The following LMNB1 variants were observed in gnomAD, a reference collection of about 807,000 sequenced individuals.
The protein encoded by LMNB1 is lamin B1, also known as lamin-B1.
Under a neutral mutation model 67.1 loss-of-function variants are expected in LMNB1, and 23 were observed. That is an observed-to-expected ratio of 0.34 (90% CI 0.25 to 0.49). The LOEUF is 0.49. Ranked by LOEUF, LMNB1 falls within the 20% of genes least tolerant of loss-of-function variation. The pLI, the probability that LMNB1 is intolerant of heterozygous loss-of-function variation, is 0.99. For missense variants in LMNB1, 634 were observed against 746.5 expected (o/e 0.85, Z 1.76); for synonymous variants, 281 against 282.9 (o/e 0.99, Z 0.07).
intron 10 of LMNB1, among the ~76,000 whole-genome samples, chr5:126,833,462 T>G (rs1308930837): frequency 6.6e-6 from 1 of 152,236 alleles, no homozygotes; most frequent in Non-Finnish European, 1.5e-5. Flanking sequence ...ATTTTTAGTC[T>G]TAAGTCTGCT....
At chr5:126,796,295 A>G (rs991721905) in intron 1 of LMNB1, among the ~76,000 whole-genome samples, 5 of 151,978 alleles carry the variant, frequency 3.3e-5, no homozygotes, top group South Asian at 4.2e-4. Context: ...ACTGATCTCT[A>G]CTTTCTGACT....
At chr5:126,835,216 AACT>A (rs767913355) in intron 10 of LMNB1, among the ~76,000 whole-genome samples, 6 of 152,328 alleles carry the variant, frequency 3.9e-5, no homozygotes, top group South Asian at 2.1e-4. Context: ...TGATCACAGA[AACT>A]AATGATACCA....
chr5:126,825,892 T>A, intron 8 of LMNB1, 96 bp from the exon 9 acceptor site: 1 of 1,543,728 alleles, frequency 6.5e-7, no homozygotes, highest in Non-Finnish European at 8.9e-7. Context: ...GTTCTCAGAC[T>A]TTTAGAATCA....
chr5:126,780,780 C>T (rs1750615340), intron 1 of LMNB1, among the ~76,000 whole-genome samples: 1 of 152,118 alleles, frequency 6.6e-6, no homozygotes, highest in South Asian at 2.1e-4. Flanking sequence ...CAAAACATGC[C>T]ACATTTTAGT....
chr5:126,826,910 C>T (rs1240014517), intron 9 of LMNB1, among the ~76,000 whole-genome samples: 1 of 152,200 alleles, frequency 6.6e-6, no homozygotes, highest in African/African-American at 2.4e-5. Flanking sequence ...GTTTGTTCTT[C>T]TCATTTTCCT....
chr5:126,786,017 G>T (rs1238487931), intron 1 of LMNB1, among the ~76,000 whole-genome samples: 1 of 151,706 alleles, frequency 6.6e-6, no homozygotes, highest in African/African-American at 2.4e-5. Flanking sequence ...CCCTTTGGGG[G>T]GTGGGGGAAA....
intron 3 of LMNB1, 87 bp from the exon 4 acceptor site, chr5:126,810,093 A>G (rs1751546616): frequency 3.9e-6 from 5 of 1,288,250 alleles, no homozygotes; most frequent in South Asian, 3.3e-5. Flanking sequence ...CGTGTGTAAA[A>G]CTTCAGATGG....
In LMNB1 at chr5:126,819,080, A is replaced by C. The variant is rs765427395; in HGVS notation, c.1098A>C (p.Val366=). ...ATGACTATGAACAGCTTCTTGATGTAAAGTTAGCCCTGGACATGGAAATCA... is the reference window on the plus strand; with the variant it reads ...ATGACTATGAACAGCTTCTTGATGTCAAGTTAGCCCTGGACATGGAAATCA... ...QLNDYEQLLD[V]KLALDMEISA... is the part of the protein sequence containing the mutation. The change falls in exon 6 of 11, where the codon GTA becomes GTC. Residue 366 remains valine (V), a synonymous_variant. Transcript: ENST00000261366. 2 of 1,614,182 alleles carry C rather than the reference A, an allele frequency of 1.2e-6. No homozygotes were observed. Among genetic ancestry groups the C allele is most frequent in the South Asian group, 1.1e-5 (1 of 91,088 alleles).
At chr5:126,787,546 A>ATATTTTTTTTT in intron 1 of LMNB1, among the ~76,000 whole-genome samples, 7 of 65,572 alleles carry the variant, frequency 1.1e-4, no homozygotes, top group African/African-American at 2.6e-4. Flanking sequence ...ATATATATAT[A>ATATTTTTTTTT]TTTTTTTTTT....
chr5:126,810,879 T>C (rs1580543999), intron 4 of LMNB1, among the ~76,000 whole-genome samples: 3 of 152,262 alleles, frequency 2.0e-5, no homozygotes, highest in African/African-American at 2.4e-5. Context: ...TTCCCACTTA[T>C]ATTAGCTGAC....
intron 1 of LMNB1, among the ~76,000 whole-genome samples, chr5:126,787,546 A>ATATATATTTTTTTTTTTTTTTTTTTTTT: frequency 3.0e-5 from 2 of 65,584 alleles, no homozygotes; most frequent in Admixed American, 2.2e-4. Context: ...ATATATATAT[A>ATATATATTTTTTTTTTTTTTTTTTTTTT]TTTTTTTTTT....
At chr5:126,798,860 T>C (rs1441520344) in intron 1 of LMNB1, among the ~76,000 whole-genome samples, 2 of 152,116 alleles carry the variant, frequency 1.3e-5, no homozygotes, top group African/African-American at 2.4e-5. Context: ...TAATAAGTCA[T>C]GGGCCTTGCC....
At chr5:126,829,858 T>G (rs1752088130) in intron 9 of LMNB1, among the ~76,000 whole-genome samples, 1 of 151,898 alleles carries the variant, frequency 6.6e-6, no homozygotes, top group African/African-American at 2.4e-5. Flanking sequence ...ATGGGGGGTG[T>G]GTACCCAGGT....
chr5:126,821,387 A>G (rs1751865143), intron 7 of LMNB1, among the ~76,000 whole-genome samples: 1 of 152,206 alleles, frequency 6.6e-6, no homozygotes, highest in Admixed American at 6.5e-5. Flanking sequence ...TTTGAAAAGC[A>G]TGTTCCTTTT....
rs1363413186 is a variant in LMNB1, at chr5:126,821,105, A to T, written c.1356A>T (p.Lys452Asn). 6.2e-7 allele frequency: 1 copy of T among 1,613,598 alleles called. No homozygotes were observed. Among genetic ancestry groups the T allele is most frequent in the Non-Finnish European group, 8.5e-7 (1 of 1,179,806 alleles). ...TCGAAGAAATTGATGTTGATGGGAA[A>T]TTTATCCGCTTGAAGAACACTTCTG... ...VCIEEIDVDG[K>N]FIRLKNTSEQ... Residue 452 changes from lysine to asparagine, a missense_variant, in exon 7 of 11, where the codon AAA becomes AAT. Transcript: ENST00000261366.
intron 9 of LMNB1, among the ~76,000 whole-genome samples, chr5:126,827,114 C>A (rs555290097): frequency 1.3e-5 from 2 of 152,148 alleles, no homozygotes; most frequent in Non-Finnish European, 2.9e-5. Flanking sequence ...CTGAGTGGTG[C>A]TGAAAGGAGA....
chr5:126,836,114 G>A, intron 10 of LMNB1, 109 bp from the exon 11 acceptor site: 3 of 759,560 alleles, frequency 3.9e-6, no homozygotes, highest in Non-Finnish European at 6.9e-6. Context: ...GTCCATTTGA[G>A]GTTAGGTAAT....
At chr5:126,830,901 A>AT (rs1254403992) in intron 9 of LMNB1, among the ~76,000 whole-genome samples, 11 of 152,200 alleles carry the variant, frequency 7.2e-5, no homozygotes, top group South Asian at 4.2e-4. Context: ...AAAGAATCAC[A>AT]TTTTTTTTAT....
Position 126,787,546 on chromosome 5 carries a change from A to ATATATATATTTTTTTTTT in LMNB1, c.359+9680_359+9681insATATATATTTTTTTTTTT. On this transcript the variant is annotated intron_variant, in intron 1 of 10. Coordinates refer to ENST00000261366, the MANE Select transcript of LMNB1 (RefSeq NM_005573.4). Reference sequence around the variant, plus strand: ...GGGGTATATATATATATATATATATATTTTTTTTTTTTTTTTTTGAGATAG... The same window carrying ATATATATATTTTTTTTTT: ...GGGGTATATATATATATATATATATATATATATATTTTTTTTTTTTTTTTTTTTTTTTTTTTGAGATAG... Among the ~76,000 whole-genome samples, 110 of 65,520 alleles carry ATATATATATTTTTTTTTT rather than the reference A, an allele frequency of 1.7e-3. 1 individual carries two copies. The highest frequency in any genetic ancestry group is 2.2e-3 in the Non-Finnish European group (81 of 36,628). The allele number at this position is 65,520 out of a possible 152,430, so 43.0% of individuals were successfully genotyped here.
Sources: allele counts gnomAD v4.1 joint callset (sites outside exome capture counted in the v4.1 genomes callset), GRCh38; gene constraint gnomAD v4.1.1; transcripts MANE v1.5; gene names NCBI Gene and HGNC (gene_info 2026-07-23, HGNC 2026-07-21).